Variants in TTC28 observed in about 807,000 individuals in gnomAD.
TTC28 encodes the protein tetratricopeptide repeat domain 28.
TTC28 carries 61 observed loss-of-function variants against 198.0 expected under a neutral mutation model. The observed-to-expected ratio is 0.31, with a 90% CI of 0.25 to 0.38. TTC28 has a LOEUF of 0.38. Ranked by LOEUF, TTC28 falls within the 10% of genes least tolerant of loss-of-function variation. TTC28 has a pLI of 1.00. For synonymous variants in TTC28, 1,171 were observed against 1,297.8 expected, an observed-to-expected ratio of 0.90 and a Z score of 2.10; for missense variants, 2,678 against 3,164.0, an observed-to-expected ratio of 0.85 and a Z score of 3.69.
intron 2 of TTC28, among the ~76,000 whole-genome samples, chr22:28,608,657 C>T (rs2050771938): frequency 6.6e-6 from 1 of 152,148 alleles, no homozygotes; most frequent in Admixed American, 6.6e-5. Context: ...ATCTGGCTGT[C>T]CTTGAGGTTC....
At chr22:28,056,591 C>A (rs961897967) in intron 12 of TTC28, 1 of 123,944 alleles carries the variant, frequency 8.1e-6, no homozygotes, top group African/African-American at 3.2e-5. Context: ...GTTCAGAAGG[C>A]AATTATTAGC....
chr22:28,081,789 G>C (rs1000029988), intron 12 of TTC28, among the ~76,000 whole-genome samples: 6 of 152,178 alleles, frequency 3.9e-5, no homozygotes, highest in African/African-American at 1.4e-4. Flanking sequence ...ACTGAGCCCG[G>C]CTGCCACTAG....
At chr22:28,332,551 G>A (rs569176664) in intron 2 of TTC28, among the ~76,000 whole-genome samples, 1 of 152,036 alleles carries the variant, frequency 6.6e-6, no homozygotes, top group Non-Finnish European at 1.5e-5. Context: ...TGCAATACTG[G>A]TAAGTACTCT....
At chr22:28,199,308 C>A (rs1925667284) in intron 5 of TTC28, among the ~76,000 whole-genome samples, 1 of 148,052 alleles carries the variant, frequency 6.8e-6, no homozygotes, top group African/African-American at 2.5e-5. Flanking sequence ...TGGAAATATC[C>A]CTAAGGTATA....
At chr22:28,509,544 G>A (rs1010941084) in intron 2 of TTC28, among the ~76,000 whole-genome samples, 24 of 152,174 alleles carry the variant, frequency 1.6e-4, no homozygotes, top group Non-Finnish European at 2.9e-5. Context: ...TGTTAAGAGG[G>A]AAATGTATAG....
intron 2 of TTC28, among the ~76,000 whole-genome samples, chr22:28,455,267 C>T (rs2047842024): frequency 2.0e-5 from 3 of 152,144 alleles, no homozygotes; most frequent in African/African-American, 4.8e-5. Flanking sequence ...ATCACACTTC[C>T]AAAACACTAC....
chr22:28,519,189 A>G (rs1415054451), intron 2 of TTC28, among the ~76,000 whole-genome samples: 1 of 152,218 alleles, frequency 6.6e-6, no homozygotes, highest in Non-Finnish European at 1.5e-5. Context: ...ATTTTTAACA[A>G]TCAGATCCAG....
chr22:28,366,060 G>C (rs1258297030), intron 2 of TTC28, among the ~76,000 whole-genome samples: 3 of 152,114 alleles, frequency 2.0e-5, no homozygotes, highest in African/African-American at 7.2e-5. Context: ...CTACAATTTG[G>C]CAGCGGTTAG....
intron 2 of TTC28, among the ~76,000 whole-genome samples, chr22:28,461,713 G>A (rs2047953338): frequency 6.6e-6 from 1 of 152,196 alleles, no homozygotes. Flanking sequence ...ACAGGCATGA[G>A]CCACTGTGCT....
Position 28,209,242 on chromosome 22 carries a change from G to A in TTC28, c.934-45643C>T, listed in dbSNP as rs189091404. On this transcript the variant is annotated intron_variant, in intron 5 of 22. Coordinates refer to ENST00000397906, the MANE Select transcript of TTC28 (RefSeq NM_001145418.2). ...AGCTACCAGCATGAGCGACACAGAAGATGGGTGATTTCCGCATTTCCAACT... is the reference window on the plus strand; with the variant it reads ...AGCTACCAGCATGAGCGACACAGAAAATGGGTGATTTCCGCATTTCCAACT... 1.5e-3 allele frequency among the ~76,000 whole-genome samples: 223 copies of A among 152,314 alleles called. 4 individuals carry two copies. Among genetic ancestry groups the A allele is most frequent in the South Asian group, 9.3e-3 (45 of 4,822 alleles).
chr22:28,482,205 G>GTTTT (rs1568971764), intron 2 of TTC28, among the ~76,000 whole-genome samples: 19 of 102,774 alleles, frequency 1.8e-4, no homozygotes, highest in Admixed American at 9.7e-4. Context: ...GTAATGGGCA[G>GTTTT]TCTTTTTTTT....
At position 28,465,721 on chromosome 22, in the gene TTC28, C is replaced by T. The variant is rs1009277125; in HGVS notation, c.382-159078G>A. On this transcript the variant is annotated intron_variant, in intron 2 of 22. Transcript: ENST00000397906. ...TAATAGTGGCTTAACATAAGGGAGA[C>T]GTTTAATTTTCTCTGATATTAACAA... Among the ~76,000 whole-genome samples, 6 of 152,032 alleles carry T rather than the reference C, an allele frequency of 3.9e-5. 1 individual carries two copies. Among genetic ancestry groups the T allele is most frequent in the South Asian group, 2.1e-4 (1 of 4,820 alleles).
At chr22:28,420,586 TG>T (rs1047093183) in intron 2 of TTC28, among the ~76,000 whole-genome samples, 2 of 125,304 alleles carry the variant, frequency 1.6e-5, no homozygotes, top group South Asian at 5.4e-4. Context: ...AAAAAAAAGG[TG>T]TTTTTTTTGT....
chr22:28,163,510 A>C lies in TTC28; in HGVS notation c.1023T>G (p.Val341=), dbSNP rs1256536181. 26 of 1,551,678 alleles carry C rather than the reference A, an allele frequency of 1.7e-5. No individual in the cohort carries two copies. Among genetic ancestry groups the C allele is most frequent in the Non-Finnish European group, 2.0e-5 (23 of 1,147,024 alleles). ...CATCTTTGGATTGCTTGGCAAGAAG[A>C]ACACACTGTTTGTGACTGGCCAGTG... ...PNALASHKQC[V]LLAKQSKDEL... is the part of the protein sequence containing the mutation. Residue 341 remains valine, a synonymous_variant, in exon 6 of 23, where the codon GTT becomes GTG. Coordinates refer to ENST00000397906, the MANE Select transcript of TTC28 (RefSeq NM_001145418.2).
Position 28,285,576 on chromosome 22 carries a change from TCA to T in TTC28, c.933+10620_933+10621del, listed in dbSNP as rs745626571. Among the ~76,000 whole-genome samples the T allele has an allele frequency of 8.5e-5, 13 of 152,298 alleles. No individual in the cohort carries two copies. In the South Asian group the frequency reaches 2.5e-3, roughly 29 times the overall value. Reference sequence around the variant, plus strand: ...CTTCAGTGTCTTCACCACCCCCAACTCATACAAACGATAACTAAGTATGATAC... The same window carrying T: ...CTTCAGTGTCTTCACCACCCCCAACTTACAAACGATAACTAAGTATGATAC... On this transcript the variant is annotated intron_variant, in intron 5 of 22. Transcript: ENST00000397906.
At chr22:28,440,242 T>C (rs1030999604) in intron 2 of TTC28, among the ~76,000 whole-genome samples, 1 of 152,112 alleles carries the variant, frequency 6.6e-6, no homozygotes, top group Non-Finnish European at 1.5e-5. Context: ...GGGAGACCTA[T>C]TGCACTCTAG....
chr22:28,076,337 C>A (rs1255748109), intron 12 of TTC28, among the ~76,000 whole-genome samples: 11 of 152,160 alleles, frequency 7.2e-5, no homozygotes. Flanking sequence ...CTTTAAAGAA[C>A]AGATAGAAAT....
chr22:28,028,053 G>A (rs1346099766), intron 13 of TTC28, among the ~76,000 whole-genome samples: 3 of 152,252 alleles, frequency 2.0e-5, no homozygotes, highest in South Asian at 2.1e-4. Flanking sequence ...CAGAGAACAC[G>A]CAGTGTTGCA....
chr22:28,018,613 G>T (rs1938475577), intron 13 of TTC28, among the ~76,000 whole-genome samples: 1 of 152,168 alleles, frequency 6.6e-6, no homozygotes, highest in South Asian at 2.1e-4. Flanking sequence ...CCATGCTAGT[G>T]GCCCTGGTCC....
Sources: allele counts gnomAD v4.1 joint callset (sites outside exome capture counted in the v4.1 genomes callset), GRCh38; gene constraint gnomAD v4.1.1; transcripts MANE v1.5; gene names NCBI Gene and HGNC (gene_info 2026-07-23, HGNC 2026-07-21).